Variants in ZEB1 observed in about 807,000 individuals in gnomAD.
The protein encoded by ZEB1 is zinc finger E-box-binding homeobox 1.
A neutral mutation model predicts 84.9 loss-of-function variants in ZEB1; 21 were observed. That is an observed-to-expected ratio of 0.25 (90% CI 0.18 to 0.36). The LOEUF is 0.36. Among genes scored for constraint, ZEB1 ranks in the 10% least tolerant of loss-of-function variants. ZEB1 has a pLI of 1.00. For missense variants in ZEB1, 1,104 were observed against 1,330.2 expected (o/e 0.83, Z 2.65); for synonymous variants, 420 against 471.1 (o/e 0.89, Z 1.41).
intron 2 of ZEB1, among the ~76,000 whole-genome samples, chr10:31,489,812 CTTT>C (rs894715715): frequency 4.6e-5 from 7 of 151,206 alleles, no homozygotes; most frequent in African/African-American, 1.2e-4. Flanking sequence ...TTCTCTTCTT[CTTT>C]TATTCCCGAC....
In ZEB1 at chr10:31,461,039, A is replaced by T. The variant is rs1204510408; in HGVS notation, c.61A>T (p.Thr21Ser). 6.2e-7 allele frequency: 1 copy of T among 1,610,810 alleles called. No homozygotes were observed. The highest frequency in any genetic ancestry group is 8.5e-7 in the Non-Finnish European group (1 of 1,177,552). ...KQANPRRNNV[T>S]NYNTVVETNS... ...TTTGTTTCTTGTTTGTATTACAGTT[A>T]CAAATTATAATACTGTGGTAGAAAC... is the stretch of plus-strand genomic sequence containing the variant. Residue 21 changes from threonine to serine, a missense_variant and splice_region_variant, in exon 2 of 9, where the codon ACA becomes TCA. Physicochemically the swap from Thr to Ser is moderately conservative, Grantham distance 58. Coordinates refer to ENST00000424869, the MANE Select transcript of ZEB1 (RefSeq NM_001174096.2).
intron 2 of ZEB1, among the ~76,000 whole-genome samples, chr10:31,479,120 C>T (rs555092514): frequency 6.6e-6 from 1 of 151,766 alleles, no homozygotes; most frequent in Non-Finnish European, 1.5e-5. Context: ...AACAGTTATA[C>T]ACTAACAGAT....
chr10:31,514,049 A>C (rs2070614282), intron 5 of ZEB1, among the ~76,000 whole-genome samples: 1 of 151,990 alleles, frequency 6.6e-6, no homozygotes, highest in Non-Finnish European at 1.5e-5. Flanking sequence ...AATAATCCAC[A>C]TTTGGCTGAA....
chr10:31,416,767 A>C (rs2055284049), intron 1 of ZEB1, among the ~76,000 whole-genome samples: 1 of 152,156 alleles, frequency 6.6e-6, no homozygotes, highest in Non-Finnish European at 1.5e-5. Context: ...ACTCAAAAAC[A>C]TGGGCACATA....
rs151294549 is a variant in ZEB1, at chr10:31,415,295, C to T, written c.59-45742C>T. 1.6e-3 allele frequency among the ~76,000 whole-genome samples: 236 copies of T among 152,140 alleles called. 1 individual carries two copies. Among genetic ancestry groups the T allele is most frequent in the African/African-American group, 4.7e-3 (197 of 41,538 alleles). ...CTGTCTACATTAAGCAAGGATGATA[C>T]CCTAAGAATTCTAGCTGCTGCTGTT... On this transcript the variant is annotated intron_variant, in intron 1 of 8. Transcript: ENST00000424869.
At chr10:31,366,811 C>T (rs539226557) in intron 1 of ZEB1, among the ~76,000 whole-genome samples, 26 of 150,080 alleles carry the variant, frequency 1.7e-4, no homozygotes, top group Admixed American at 2.6e-4. Context: ...GAGTTCCCAG[C>T]GTATACTGCT....
chr10:31,510,520 T>C (rs1009481726), intron 4 of ZEB1, among the ~76,000 whole-genome samples, 153 bp from the exon 5 acceptor site: 1 of 152,212 alleles, frequency 6.6e-6, no homozygotes, highest in Non-Finnish European at 1.5e-5. Flanking sequence ...TTCTCTCTCT[T>C]ATAAAATAGA....
chr10:31,353,203 C>T (rs2041587804), intron 1 of ZEB1, among the ~76,000 whole-genome samples: 2 of 152,170 alleles, frequency 1.3e-5, no homozygotes, highest in Admixed American at 1.3e-4. Context: ...CCATTACTCC[C>T]ATCCTGTTTC....
At chr10:31,373,211 G>C in intron 1 of ZEB1, 1 of 983,870 alleles carries the variant, frequency 1.0e-6, no homozygotes, top group Non-Finnish European at 1.2e-6. Flanking sequence ...GTGTGTGTGT[G>C]TGTGTGTAAA....
chr10:31,391,444 A>G (rs1044709960), intron 1 of ZEB1, among the ~76,000 whole-genome samples: 1 of 152,130 alleles, frequency 6.6e-6, no homozygotes, highest in Non-Finnish European at 1.5e-5. Context: ...AGTTGGGATG[A>G]GGGAGACAAT....
intron 2 of ZEB1, among the ~76,000 whole-genome samples, chr10:31,479,896 C>A (rs1314661803): frequency 6.6e-6 from 1 of 151,892 alleles, no homozygotes; most frequent in Non-Finnish European, 1.5e-5. Flanking sequence ...CAACTTTATT[C>A]TCTGTAGAGA....
intron 1 of ZEB1, among the ~76,000 whole-genome samples, chr10:31,331,505 A>G (rs1328622339): frequency 6.6e-6 from 1 of 152,236 alleles, no homozygotes; most frequent in African/African-American, 2.4e-5. Flanking sequence ...GGATTATTGT[A>G]TGCAAGGTAA....
At chr10:31,392,589 C>T (rs2049950375) in intron 1 of ZEB1, among the ~76,000 whole-genome samples, 1 of 151,894 alleles carries the variant, frequency 6.6e-6, no homozygotes, top group African/African-American at 2.4e-5. Flanking sequence ...ACCTTTTTCT[C>T]AAAATGAAGG....
intron 1 of ZEB1, among the ~76,000 whole-genome samples, chr10:31,341,525 A>C (rs901737225): frequency 1.3e-5 from 2 of 152,162 alleles, no homozygotes; most frequent in Non-Finnish European, 2.9e-5. Context: ...TTGTGACATC[A>C]CTAATGGAGG....
At chr10:31,363,595 C>A in intron 1 of ZEB1, 5 of 1,521,036 alleles carry the variant, frequency 3.3e-6, no homozygotes, top group Non-Finnish European at 4.4e-6. Flanking sequence ...CTCTTCTGCG[C>A]TCACCTCCGT....
chr10:31,434,850 A>AGATGTCTTATATGCCTTTGTTAT (rs760777639), intron 1 of ZEB1, among the ~76,000 whole-genome samples: 24 of 152,218 alleles, frequency 1.6e-4, no homozygotes, highest in Admixed American at 9.2e-4. Context: ...TTAGTTCAAC[A>AGATGTCTTATATGCCTTTGTTAT]GATGTCTTAT....
chr10:31,421,794 C>T (rs887062540), intron 1 of ZEB1, among the ~76,000 whole-genome samples: 1 of 152,108 alleles, frequency 6.6e-6, no homozygotes, highest in African/African-American at 2.4e-5. Context: ...ACATGCCTGT[C>T]TCCTCTACTA....
chr10:31,447,707 G>C (rs1485651543), intron 1 of ZEB1, among the ~76,000 whole-genome samples: 1 of 151,532 alleles, frequency 6.6e-6, no homozygotes, highest in Non-Finnish European at 1.5e-5. Context: ...ATTCTGGGTT[G>C]AAAATTCTTT....
chr10:31,322,804 A>G (rs967587448), intron 1 of ZEB1, among the ~76,000 whole-genome samples: 4 of 151,368 alleles, frequency 2.6e-5, no homozygotes, highest in African/African-American at 7.3e-5. Context: ...ATGCTGATTA[A>G]TTCTCTTTAG....
Sources: allele counts gnomAD v4.1 joint callset (sites outside exome capture counted in the v4.1 genomes callset), GRCh38; gene constraint gnomAD v4.1.1; transcripts MANE v1.5; gene names NCBI Gene and HGNC (gene_info 2026-07-23, HGNC 2026-07-21).